PES1: variants seen among roughly 807,000 people sequenced by gnomAD.
PES1 encodes pescadillo homolog.
In PES1, 31 loss-of-function variants were observed where a neutral mutation model predicts 77.1. The ratio of observed to expected loss-of-function variants is 0.40; its 90% CI spans 0.30 to 0.54. PES1 has a LOEUF of 0.54. PES1 is among the 20% of genes least tolerant of loss of function. PES1 has a pLI of 0.45. For missense variants in PES1, 658 were observed against 771.7 expected, an observed-to-expected ratio of 0.85 and a Z score of 1.75; for synonymous variants, 282 against 303.0, an observed-to-expected ratio of 0.93 and a Z score of 0.72.
In PES1 at chr22:30,584,365, G is replaced by A. The variant is rs779535449; in HGVS notation, c.630C>T (p.Asp210=). 65 of 1,606,992 alleles carry A rather than the reference G, an allele frequency of 4.0e-5. No homozygotes were observed. The highest frequency in any genetic ancestry group is 5.0e-5 in the Non-Finnish European group (59 of 1,175,964). The change falls in exon 6 of 15, where the codon GAC becomes GAT. Residue 210 remains aspartate, a splice_region_variant and synonymous_variant. Coordinates refer to ENST00000354694, the MANE Select transcript of PES1 (RefSeq NM_014303.4). The part of the protein sequence containing the change: ...VWITPYAFSH[D]HPTDVDYRVM... ...GTCCCCTCCCGACAGGCACACTCAC[G>A]TCATGGGAGAAGGCATAGGGAGTGA...
chr22:30,591,851 C>T lies in PES1; in HGVS notation c.-18G>A. The T allele has an allele frequency of 1.9e-6, 3 of 1,550,852 alleles. No homozygotes were observed. The highest frequency in any genetic ancestry group is 1.7e-6 in the Non-Finnish European group (2 of 1,148,356). On this transcript the variant is annotated 5_prime_UTR_variant, in exon 1 of 15. Coordinates refer to ENST00000354694, the MANE Select transcript of PES1 (RefSeq NM_014303.4). ...CCTCCCATCGCTCCACGTTGAGGAG[C>T]CGACTAGGGCCGCGCGTACAGGGAG...
upstream of PES1, among the ~76,000 whole-genome samples, chr22:30,593,672 G>C (rs562112796): frequency 1.3e-5 from 2 of 152,244 alleles, no homozygotes; most frequent in South Asian, 2.1e-4. Flanking sequence ...TTTGCAGAAA[G>C]TTGAGCCTTG....
intron 8 of PES1, 39 bp from the exon 9 acceptor site, chr22:30,581,140 C>T (rs752087745): frequency 8.5e-6 from 13 of 1,528,992 alleles, no homozygotes; most frequent in South Asian, 1.2e-5. Context: ...TGGGGGACCT[C>T]ATGCGGGCAT....
At chr22:30,585,391 G>C (rs766351456) in intron 4 of PES1, 150 of 468,374 alleles carry the variant, frequency 3.2e-4, no homozygotes, top group Non-Finnish European at 6.0e-4. Context: ...ACAGAGGCAT[G>C]GGTCACAGAG....
At chr22:30,600,276 G>A (rs2087335241) in intron 2 of PES1, among the ~76,000 whole-genome samples, 1 of 152,180 alleles carries the variant, frequency 6.6e-6, no homozygotes, top group Admixed American at 6.5e-5. Flanking sequence ...GGAGGTTGCA[G>A]TGTCAAGTTG....
At chr22:30,577,200 G>C in intron 14 of PES1, 71 bp from the exon 15 acceptor site, 1 of 1,263,756 alleles carries the variant, frequency 7.9e-7, no homozygotes, top group Non-Finnish European at 1.2e-6. Context: ...AGAACTCAAA[G>C]CTATATCCCT....
upstream of PES1, among the ~76,000 whole-genome samples, chr22:30,593,463 A>C (rs547617903): frequency 6.6e-6 from 1 of 152,112 alleles, no homozygotes; most frequent in African/African-American, 2.4e-5. Flanking sequence ...CTCTGCACTC[A>C]AGCCTAGACG....
chr22:30,584,784 C>T, intron 4 of PES1, 67 bp from the exon 5 acceptor site: 1 of 1,515,286 alleles, frequency 6.6e-7, no homozygotes, highest in South Asian at 1.2e-5. Context: ...CCCTGATCTC[C>T]TTATCCCACC....
At chr22:30,596,244 T>A (rs1486828070), upstream of PES1, among the ~76,000 whole-genome samples, 1 of 152,192 alleles carries the variant, frequency 6.6e-6, no homozygotes, top group Non-Finnish European at 1.5e-5. Context: ...TGTTACTAAT[T>A]CAAGGCTACC....
intron 2 of PES1, among the ~76,000 whole-genome samples, chr22:30,602,301 C>T (rs1470209644): frequency 1.3e-5 from 2 of 152,176 alleles, no homozygotes; most frequent in Non-Finnish European, 2.9e-5. Context: ...GAAGAAGGTG[C>T]TTGCTTCCCC....
Position 30,581,033 on chromosome 22 carries a change from C to T in PES1, c.891G>A (p.Val297=). The part of the protein sequence containing the change: ...VVPATEEEAE[V]DEFPTDGEMS... ...TCACCCCATCGGTGGGAAACTCATC[C>T]ACCTCGGCCTCCTCCTCTGTGGCAG... Residue 297 remains valine, a synonymous_variant, in exon 9 of 15, where the codon GTG becomes GTA. Coordinates refer to ENST00000354694, the MANE Select transcript of PES1 (RefSeq NM_014303.4). 3 of 1,612,726 alleles carry T rather than the reference C, an allele frequency of 1.9e-6. No individual in the cohort carries two copies. Among genetic ancestry groups the T allele is most frequent in the Non-Finnish European group, 2.5e-6 (3 of 1,179,696 alleles).
chr22:30,599,101 T>C (rs182538355), intron 2 of PES1, among the ~76,000 whole-genome samples: 2 of 151,984 alleles, frequency 1.3e-5, no homozygotes, highest in East Asian at 3.9e-4. Context: ...ATTTTTACTA[T>C]GTTGGCCAGG....
chr22:30,592,076 T>C, upstream of PES1: 2 of 1,344,646 alleles, frequency 1.5e-6, no homozygotes, highest in Non-Finnish European at 1.9e-6. Context: ...TCACAATGGT[T>C]ACAAACACTT....
At chr22:30,583,333 C>G (rs2087015210) in intron 6 of PES1, among the ~76,000 whole-genome samples, 1 of 152,216 alleles carries the variant, frequency 6.6e-6, no homozygotes, top group Admixed American at 6.5e-5. Flanking sequence ...GTCCTTGCAA[C>G]CCCACCCACA....
chr22:30,577,108 G>A lies in PES1; in HGVS notation c.1705C>T (p.Arg569Trp), dbSNP rs2086911797. The A allele has an allele frequency of 1.9e-6, 3 of 1,614,096 alleles. No individual in the cohort carries two copies. Among genetic ancestry groups the A allele is most frequent in the East Asian group, 2.2e-5 (1 of 44,876 alleles). Residue 569 changes from arginine (R) to tryptophan (W), a missense_variant, in exon 15 of 15, where the codon CGG becomes TGG. Coordinates refer to ENST00000354694, the MANE Select transcript of PES1 (RefSeq NM_014303.4). ...CTCACCGCCTCATCGTGGGCTTTCC[G>A]CTTCTCCGCCAGCTTGTTGGCCTGT... ...IREANKLAEK[R>W]KAHDEAVRSE...
chr22:30,597,879 T>TG (rs2087283908), intron 2 of PES1, among the ~76,000 whole-genome samples: 1 of 47,598 alleles, frequency 2.1e-5, no homozygotes, highest in South Asian at 5.1e-4. Flanking sequence ...CAGTTGAAGT[T>TG]TTGTTTTTTT....
rs1193120990 is a variant in PES1, at chr22:30,581,325, G to T, written c.822+9C>A. Reference sequence around the variant, plus strand: ...GGAGATGCCGGATGATGCTCCTGGAGCCTCTCACCTCCATACAACTCTCGG... The same window carrying T: ...GGAGATGCCGGATGATGCTCCTGGATCCTCTCACCTCCATACAACTCTCGG... On this transcript the variant is annotated intron_variant, in intron 8 of 14. Coordinates refer to ENST00000354694, the MANE Select transcript of PES1 (RefSeq NM_014303.4). 1.9e-6 allele frequency: 3 copies of T among 1,612,828 alleles called. No homozygotes were observed. The African/African-American group carries it at 4.0e-5, about 22-fold the overall frequency.
At chr22:30,577,247 A>C in intron 14 of PES1, 118 bp from the exon 15 acceptor site, 153 of 852,408 alleles carry the variant, frequency 1.8e-4, no homozygotes, top group Non-Finnish European at 2.8e-4. Flanking sequence ...ACAAATTCTC[A>C]CAGGAAAAAA....
At chr22:30,593,504 A>G (rs929329034), upstream of PES1, among the ~76,000 whole-genome samples, 1 of 151,082 alleles carries the variant, frequency 6.6e-6, no homozygotes, top group African/African-American at 2.4e-5. Context: ...AAAAAAAAAA[A>G]GAAGAAGAAG....
Sources: gnomAD v4.1 joint callset for allele counts (sites outside exome capture counted in the v4.1 genomes callset) on GRCh38, gnomAD v4.1.1 for gene constraint, MANE v1.5 for transcripts, NCBI Gene and HGNC (gene_info 2026-07-23, HGNC 2026-07-21) for gene names.